NUP98: variants seen among roughly 807,000 people sequenced by gnomAD.
NUP98 encodes nucleoporin 98 and 96 precursor.
In NUP98, 26 loss-of-function variants were observed where a neutral mutation model predicts 191.9. The ratio of observed to expected loss-of-function variants is 0.14; its 90% CI spans 0.10 to 0.19. The LOEUF (loss-of-function observed/expected upper bound fraction) is 0.19. Ranked by LOEUF, NUP98 falls within the 10% of genes least tolerant of loss-of-function variation. The probability of loss-of-function intolerance (pLI) is 1.00; values close to 1 mark genes in which losing one functional copy is unlikely to be tolerated. For missense variants in NUP98, 1,941 were observed against 2,178.8 expected (o/e 0.89, Z 2.17); for synonymous variants, 808 against 778.4 (o/e 1.04, Z -0.63).
chr11:3,788,010 A>G (rs1436867073), intron 1 of NUP98, among the ~76,000 whole-genome samples: 1 of 152,028 alleles, frequency 6.6e-6, no homozygotes. Flanking sequence ...AAAACACTTT[A>G]CTTCCCCTCT....
At chr11:3,776,883 A>G (rs1311610883) in intron 4 of NUP98, among the ~76,000 whole-genome samples, 1 of 152,214 alleles carries the variant, frequency 6.6e-6, no homozygotes, top group Admixed American at 6.5e-5. Context: ...CTAAGTGTCC[A>G]TAAAGCCCTA....
intron 12 of NUP98, among the ~76,000 whole-genome samples, chr11:3,739,549 T>C (rs953635885): frequency 1.3e-5 from 2 of 152,000 alleles, no homozygotes; most frequent in African/African-American, 4.8e-5. Context: ...ACCAGGCCTA[T>C]TTTTAATGAT....
intron 10 of NUP98, among the ~76,000 whole-genome samples, chr11:3,755,320 T>G (rs1022630622): frequency 6.7e-6 from 1 of 149,218 alleles, no homozygotes. Flanking sequence ...AAAAATTAGC[T>G]GGCTGTGGTG....
chr11:3,713,747 C>G, intron 19 of NUP98, 71 bp downstream of exon 19: 1 of 1,411,814 alleles, frequency 7.1e-7, no homozygotes, highest in Non-Finnish European at 9.7e-7. Context: ...GCAAAGGATC[C>G]CTTCCAACAT....
intron 11 of NUP98, among the ~76,000 whole-genome samples, chr11:3,752,243 C>A (rs1021444625): frequency 6.6e-6 from 1 of 151,660 alleles, no homozygotes; most frequent in African/African-American, 2.4e-5. Flanking sequence ...GACAGCCAGG[C>A]ACGGTGGCTC....
At chr11:3,688,574 T>TC (rs2078200839) in intron 28 of NUP98, among the ~76,000 whole-genome samples, 1 of 151,024 alleles carries the variant, frequency 6.6e-6, no homozygotes, top group African/African-American at 2.4e-5. Context: ...GCAGGAGGAT[T>TC]ACTTGAGGTC....
chr11:3,746,427 T>C (rs969698194), intron 11 of NUP98, among the ~76,000 whole-genome samples: 1 of 151,832 alleles, frequency 6.6e-6, no homozygotes, highest in African/African-American at 2.4e-5. Context: ...TACAGAATTG[T>C]TTATTTTCTG....
chr11:3,792,203 A>C (rs1029678457), intron 1 of NUP98, among the ~76,000 whole-genome samples: 1 of 147,630 alleles, frequency 6.8e-6, no homozygotes, highest in Non-Finnish European at 1.5e-5. Context: ...AAAAAAAAAA[A>C]AAAAAACATG....
At chr11:3,699,584 C>T (rs1241231358) in intron 24 of NUP98, among the ~76,000 whole-genome samples, 1 of 152,180 alleles carries the variant, frequency 6.6e-6, no homozygotes, top group Non-Finnish European at 1.5e-5. Context: ...ACTTACATAA[C>T]AAATGTAACC....
intron 1 of NUP98, among the ~76,000 whole-genome samples, chr11:3,788,775 C>T (rs558996753): frequency 9.2e-5 from 14 of 151,926 alleles, no homozygotes; most frequent in African/African-American, 3.1e-4. Context: ...GGAGAAACCC[C>T]GTCTCTACTA....
In NUP98 at chr11:3,762,976, T is replaced by G. The variant is rs1434085445; in HGVS notation, c.1012A>C (p.Ser338Arg). 1 of 1,614,160 alleles carries G rather than the reference T, an allele frequency of 6.2e-7. No individual in the cohort carries two copies. ...GGLFGTATNT[S>R]TGTAFGTGTG... is the part of the protein sequence containing the mutation. ...CCTGTTCCAAATGCTGTCCCAGTGC[T>G]GGTGTTTGTAGCTGTCCCAAAAAGA... The change falls in exon 9 of 33, where the codon AGC (serine) becomes CGC (arginine). Residue 338 changes from serine to arginine, a missense_variant. Physicochemically the swap from Ser to Arg is moderately radical, Grantham distance 110. This residue lies in a region of NUP98 where 181 missense variants were observed against 228.0 expected (regional missense o/e 0.79). Transcript: ENST00000324932.
rs545123938 is a variant in NUP98 at position 3,720,797 on chromosome 11, A to G, written c.2175T>C (p.Tyr725=). 6 of 1,435,646 alleles carry G rather than the reference A, an allele frequency of 4.2e-6. No individual in the cohort carries two copies. The highest frequency in any genetic ancestry group is 5.8e-6 in the Non-Finnish European group (6 of 1,026,266). The allele number at this position is 1,435,646 out of a possible 1,614,324, so 88.9% of individuals were successfully genotyped here. A position where few individuals can be genotyped will look rare whatever the true frequency, so the allele number is the denominator to read the frequency against. The change falls in exon 17 of 33, where the codon TAT becomes TAC. Residue 725 remains tyrosine (Y), a synonymous_variant. Coordinates refer to ENST00000324932, the MANE Select transcript of NUP98 (RefSeq NM_016320.5). The part of the protein sequence containing the change: ...AGIILTKVGY[Y]TIPSMDDLAK... ...CAAGGTCATCCATAGATGGAATAGT[A>G]TAGTAACCAACCTTAGTGAGAATAA...
intron 4 of NUP98, 70 bp from the exon 5 acceptor site, chr11:3,776,091 T>C (rs1441531728): frequency 2.5e-6 from 3 of 1,197,064 alleles, no homozygotes; most frequent in African/African-American, 3.1e-5. Context: ...GCATTGGAAT[T>C]GGGCTATGGC....
At chr11:3,690,503 G>A (rs955628988) in intron 28 of NUP98, among the ~76,000 whole-genome samples, 2 of 148,346 alleles carry the variant, frequency 1.3e-5, no homozygotes, top group African/African-American at 5.0e-5. Flanking sequence ...CTCGTGATCC[G>A]CACACCTTGG....
At chr11:3,732,913 T>C (rs926189844) in intron 13 of NUP98, among the ~76,000 whole-genome samples, 2 of 152,364 alleles carry the variant, frequency 1.3e-5, no homozygotes, top group Middle Eastern at 3.4e-3. Flanking sequence ...GCTGGAATGC[T>C]TGACCTAGAC....
chr11:3,775,969 G>A lies in NUP98; in HGVS notation c.408C>T (p.Thr136=). 1 of 1,613,478 alleles carries A rather than the reference G, an allele frequency of 6.2e-7. No individual in the cohort carries two copies. Among genetic ancestry groups the A allele is most frequent in the South Asian group, 1.1e-5 (1 of 91,058 alleles). The change falls in exon 5 of 33, where the codon ACC becomes ACT. Residue 136 remains threonine, a synonymous_variant. Transcript: ENST00000324932. ...CAGATGTGCTGCCAAAAGGATTAGA[G>A]GTGGTATTTGTGGTTCCAAAGAGTC... ...SGGLFGTTNT[T]SNPFGSTSGS...
intron 25 of NUP98, among the ~76,000 whole-genome samples, chr11:3,696,278 A>G (rs1589976073): frequency 6.6e-6 from 1 of 152,056 alleles, no homozygotes; most frequent in Non-Finnish European, 1.5e-5. Context: ...AAGGCGGGCA[A>G]ATCACTTGGG....
rs991084336 is a variant in NUP98 at position 3,744,551 on chromosome 11, T to C, written c.1366A>G (p.Thr456Ala). The C allele has an allele frequency of 2.5e-6, 4 of 1,613,570 alleles. No individual in the cohort carries two copies. The highest frequency in any genetic ancestry group is 2.7e-5 in the African/African-American group (2 of 74,902). The change falls in exon 12 of 33, where the codon ACG becomes GCG. Residue 456 changes from threonine to alanine, a missense_variant. Physicochemically the swap from Thr to Ala is moderately conservative, Grantham distance 58 (BLOSUM62 0). Transcript: ENST00000324932. ...GCTCCAAAGCCCAAAGTGGCTGTCG[T>C]AGTATTAAATCCAGGGGCCCCAAAG... is the stretch of plus-strand genomic sequence containing the variant. ...GAFGAPGFNT[T>A]TATLGFGAPQ...
At position 3,695,624 on chromosome 11, in the gene NUP98, G is replaced by A; in HGVS notation, c.4010-18C>T. On this transcript the variant is annotated intron_variant, in intron 25 of 32. Transcript: ENST00000324932. ...ATGATCCCCTATAAGAGAAATGGAA[G>A]TTTTTTGGTTATTACTAAGGGTTTA... The A allele has an allele frequency of 6.6e-7, 1 of 1,524,720 alleles. No homozygotes were observed. The highest frequency in any genetic ancestry group is 8.8e-7 in the Non-Finnish European group (1 of 1,135,904). 94.4% of individuals were successfully genotyped at this position (1,524,720 alleles called of 1,614,324 possible).
Sources: allele counts gnomAD v4.1 joint callset (sites outside exome capture counted in the v4.1 genomes callset), GRCh38; gene constraint gnomAD v4.1.1; regional missense constraint gnomAD v4.1.1; transcripts MANE v1.5; gene names NCBI Gene and HGNC (gene_info 2026-07-23, HGNC 2026-07-21).